ZDHHC15: variants seen among roughly 807,000 people sequenced by gnomAD.
The protein encoded by ZDHHC15 is palmitoyltransferase ZDHHC15.
A neutral mutation model predicts 31.7 loss-of-function variants in ZDHHC15; 19 were observed. That is an observed-to-expected ratio of 0.60 (90% CI 0.42 to 0.88). ZDHHC15 has a LOEUF of 0.88. ZDHHC15 is among the 40% of genes least tolerant of loss of function. The pLI is 0.00. For missense variants in ZDHHC15, 209 were observed against 251.2 expected (o/e 0.83, Z 1.14); for synonymous variants, 103 against 90.0 (o/e 1.14, Z -0.82).
intron 8 of ZDHHC15, among the ~76,000 whole-genome samples, chrX:75,423,123 C>A (rs1035518655): frequency 1.8e-5 from 2 of 108,802 alleles, no homozygotes; most frequent in Non-Finnish European, 3.8e-5. Context: ...GTCAATCAAT[C>A]TTCCTGTCTC....
intron 4 of ZDHHC15, among the ~76,000 whole-genome samples, chrX:75,447,083 C>A (rs193235751): frequency 8.9e-6 from 1 of 111,783 alleles, no homozygotes; most frequent in Non-Finnish European, 1.9e-5. Context: ...GGTTACATGG[C>A]TCAGCAATAT....
intron 3 of ZDHHC15, among the ~76,000 whole-genome samples, chrX:75,471,162 C>T (rs1020082314): frequency 8.9e-6 from 1 of 112,326 alleles, no homozygotes; most frequent in Non-Finnish European, 1.9e-5. Flanking sequence ...TAGTAAATGC[C>T]TTTTTCTCCA....
rs1287866731 is a variant in ZDHHC15, at chrX:75,474,126, G to A, written c.258+4765C>T. On this transcript the variant is annotated intron_variant, in intron 3 of 11. Transcript: ENST00000373367. ...ACTGATCCTGGGTGTGTCTGTGAGG[G>A]TGCTGCCATAGGAGATTAAGATTTG... Among the ~76,000 whole-genome samples, 10 of 110,831 alleles carry A rather than the reference G, an allele frequency of 9.0e-5. 1 individual carries two copies. The highest frequency in any genetic ancestry group is 7.8e-4 in the Admixed American group (8 of 10,310).
intron 10 of ZDHHC15, among the ~76,000 whole-genome samples, chrX:75,410,096 T>C (rs2083468583): frequency 9.0e-6 from 1 of 111,628 alleles, no homozygotes; most frequent in Non-Finnish European, 1.9e-5. Flanking sequence ...TCAAAATGGA[T>C]TGAAGACTTA....
chrX:75,394,986 T>A (rs751878116), intron 10 of ZDHHC15, among the ~76,000 whole-genome samples: 7 of 112,240 alleles, frequency 6.2e-5, no homozygotes, highest in South Asian at 3.7e-4. Flanking sequence ...GTTAAAAAAA[T>A]TTAACAAGTG....
chrX:75,444,678 A>G (rs1489585127), intron 4 of ZDHHC15, among the ~76,000 whole-genome samples: 1 of 85,242 alleles, frequency 1.2e-5, no homozygotes, highest in East Asian at 3.5e-4. Flanking sequence ...ATATATATAT[A>G]TATATATATA....
At chrX:75,491,338 A>G (rs1370135229) in intron 2 of ZDHHC15, among the ~76,000 whole-genome samples, 2 of 108,942 alleles carry the variant, frequency 1.8e-5, no homozygotes, top group Non-Finnish European at 1.9e-5. Flanking sequence ...GACATGGATG[A>G]AATTGGAAAT....
intron 3 of ZDHHC15, among the ~76,000 whole-genome samples, chrX:75,471,361 C>G (rs1481608761): frequency 1.8e-5 from 2 of 112,243 alleles, no homozygotes; most frequent in African/African-American, 6.5e-5. Context: ...TGACATTATG[C>G]TGATTGGATC....
At chrX:75,384,052 GTT>G (rs2083153751) in intron 10 of ZDHHC15, among the ~76,000 whole-genome samples, 1 of 110,749 alleles carries the variant, frequency 9.0e-6, no homozygotes, top group South Asian at 3.8e-4. Flanking sequence ...AGAAATGTTA[GTT>G]TTTCCCTATT....
chrX:75,451,949 G>A (rs1357855152), intron 3 of ZDHHC15, among the ~76,000 whole-genome samples: 3 of 111,341 alleles, frequency 2.7e-5, no homozygotes, highest in Non-Finnish European at 3.8e-5. Context: ...AAAGACCATC[G>A]ATGCTAGGAA....
chrX:75,459,476 G>T (rs1027617178), intron 3 of ZDHHC15, among the ~76,000 whole-genome samples: 4 of 111,573 alleles, frequency 3.6e-5, no homozygotes, highest in African/African-American at 1.3e-4. Context: ...CAGCCTGCCA[G>T]CTTTGGAGAG....
intron 2 of ZDHHC15, among the ~76,000 whole-genome samples, chrX:75,492,426 C>T (rs1448207290): frequency 5.4e-5 from 6 of 111,131 alleles, no homozygotes; most frequent in East Asian, 2.8e-4. Flanking sequence ...CTGCACCAAG[C>T]GGACCTAATA....
At chrX:75,497,650 C>T (rs747677123) in intron 2 of ZDHHC15, among the ~76,000 whole-genome samples, 9 of 111,682 alleles carry the variant, frequency 8.1e-5, no homozygotes, top group African/African-American at 2.9e-4. Flanking sequence ...GGTTTCCTAC[C>T]AAGGATGCAG....
Position 75,448,374 on chromosome X carries a change from T to C in ZDHHC15, c.379+2428A>G, listed in dbSNP as rs764941006. ...TAGCTATAAATACCAGCTATGACCA[T>C]GTGACCAGTTACAGAAACAAGATCT... On this transcript the variant is annotated intron_variant, in intron 4 of 11. Coordinates refer to ENST00000373367, the MANE Select transcript of ZDHHC15 (RefSeq NM_144969.3). Among the ~76,000 whole-genome samples, 3 of 112,138 alleles carry C rather than the reference T, an allele frequency of 2.7e-5. No individual in the cohort carries two copies. The East Asian group carries it at 8.5e-4, about 32-fold the overall frequency.
At chrX:75,513,485 T>C (rs759636716) in intron 1 of ZDHHC15, among the ~76,000 whole-genome samples, 7 of 111,281 alleles carry the variant, frequency 6.3e-5, no homozygotes, top group African/African-American at 2.3e-4. Flanking sequence ...TGATGCTTTG[T>C]AGTAAGAGGA....
At chrX:75,442,805 T>G (rs1286028954) in intron 4 of ZDHHC15, among the ~76,000 whole-genome samples, 1 of 106,922 alleles carries the variant, frequency 9.4e-6, no homozygotes, top group Non-Finnish European at 1.9e-5. Context: ...GCTAACAAGG[T>G]GAAACCCCGT....
intron 2 of ZDHHC15, among the ~76,000 whole-genome samples, chrX:75,494,469 T>A (rs759651104): frequency 9.1e-6 from 1 of 110,223 alleles, no homozygotes; most frequent in East Asian, 2.8e-4. Flanking sequence ...GAGCCCACAT[T>A]GCCAAGTCAA....
intron 2 of ZDHHC15, among the ~76,000 whole-genome samples, chrX:75,481,531 A>G (rs940343121): frequency 8.9e-6 from 1 of 111,982 alleles, no homozygotes; most frequent in Admixed American, 9.5e-5. Context: ...TGTTAAATAA[A>G]TCGGTAGAAA....
intron 4 of ZDHHC15, among the ~76,000 whole-genome samples, chrX:75,446,774 G>A (rs1189575411): frequency 9.0e-5 from 10 of 111,293 alleles, no homozygotes; most frequent in Non-Finnish European, 1.9e-4. Flanking sequence ...AAGGGGCAAA[G>A]CAGCTCTCTG....
Sources: gnomAD v4.1 joint callset for allele counts (sites outside exome capture counted in the v4.1 genomes callset) on GRCh38, gnomAD v4.1.1 for gene constraint, MANE v1.5 for transcripts, NCBI Gene and HGNC (gene_info 2026-07-23, HGNC 2026-07-21) for gene names.